WIPF1: variants seen among roughly 807,000 people sequenced by gnomAD.
The protein encoded by WIPF1 is WAS/WASL interacting protein family member 1, also known as WAS/WASL-interacting protein family member 1.
WIPF1 carries 13 observed loss-of-function variants against 35.4 expected under a neutral mutation model. The ratio of observed to expected loss-of-function variants is 0.37; its 90% CI spans 0.24 to 0.58. WIPF1 has a LOEUF of 0.58. Ranked by LOEUF, WIPF1 falls within the 20% of genes least tolerant of loss-of-function variation. The probability of loss-of-function intolerance (pLI) is 0.74; values close to 1 mark genes in which losing one functional copy is unlikely to be tolerated. For synonymous variants in WIPF1, 267 were observed against 266.3 expected (o/e 1.00, Z -0.02); for missense variants, 591 against 667.0 (o/e 0.89, Z 1.25).
chr2:174,640,621 T>A (rs1687277625), intron 1 of WIPF1, among the ~76,000 whole-genome samples: 1 of 151,988 alleles, frequency 6.6e-6, no homozygotes, highest in Non-Finnish European at 1.5e-5. Flanking sequence ...ATTTATTTAT[T>A]ATTATTATAC....
intron 1 of WIPF1, among the ~76,000 whole-genome samples, chr2:174,637,631 CAA>C (rs1687210437): frequency 6.6e-6 from 1 of 152,040 alleles, no homozygotes; most frequent in South Asian, 2.1e-4. Flanking sequence ...ACTAAAAATA[CAA>C]AAAATGAGCC....
At chr2:174,673,893 T>C (rs978995212) in intron 1 of WIPF1, 3 of 152,196 alleles carry the variant, frequency 2.0e-5, no homozygotes, top group African/African-American at 4.8e-5. Flanking sequence ...TTCTTAATTT[T>C]CAGTTCCAAC....
intron 1 of WIPF1, among the ~76,000 whole-genome samples, chr2:174,643,893 T>A (rs1421285276): frequency 1.3e-5 from 2 of 152,224 alleles, no homozygotes; most frequent in African/African-American, 2.4e-5. Flanking sequence ...TTTTTGTTAG[T>A]TAGCATTCAC....
intron 7 of WIPF1, 72 bp downstream of exon 7, chr2:174,566,998 T>C (rs775011598): frequency 2.0e-6 from 3 of 1,485,194 alleles, no homozygotes; most frequent in Non-Finnish European, 2.8e-6. Context: ...AAGCCTGGAC[T>C]TTCTATATAG....
At chr2:174,615,745 C>T (rs1287424591) in intron 1 of WIPF1, among the ~76,000 whole-genome samples, 3 of 152,104 alleles carry the variant, frequency 2.0e-5, no homozygotes, top group Non-Finnish European at 4.4e-5. Flanking sequence ...CAAAAGAGTT[C>T]TGTGGAATTC....
chr2:174,565,016 C>T (rs780525952), intron 7 of WIPF1, among the ~76,000 whole-genome samples: 13 of 152,002 alleles, frequency 8.6e-5, no homozygotes, highest in Non-Finnish European at 1.6e-4. Flanking sequence ...CTGCCTCAGC[C>T]TCCTGAGTAG....
At chr2:174,610,633 C>T (rs1216527899) in intron 1 of WIPF1, among the ~76,000 whole-genome samples, 2 of 152,162 alleles carry the variant, frequency 1.3e-5, no homozygotes, top group African/African-American at 4.8e-5. Context: ...TAAAATGAAA[C>T]AATGATTAAA....
At chr2:174,588,321 G>A (rs558218118) in intron 1 of WIPF1, among the ~76,000 whole-genome samples, 6 of 152,302 alleles carry the variant, frequency 3.9e-5, no homozygotes, top group East Asian at 1.9e-4. Context: ...CACGTTCACC[G>A]ATTAACTTTC....
intron 1 of WIPF1, among the ~76,000 whole-genome samples, chr2:174,661,673 G>A (rs1470796061): frequency 6.6e-6 from 1 of 152,120 alleles, no homozygotes; most frequent in African/African-American, 2.4e-5. Flanking sequence ...TTTCCTGTGT[G>A]TTTTTCCCCT....
At chr2:174,586,150 G>A (rs1411619033) in intron 1 of WIPF1, among the ~76,000 whole-genome samples, 2 of 152,180 alleles carry the variant, frequency 1.3e-5, no homozygotes, top group Non-Finnish European at 2.9e-5. Flanking sequence ...AGAGGGCATG[G>A]AGAATGTCAG....
intron 1 of WIPF1, among the ~76,000 whole-genome samples, chr2:174,674,531 A>G (rs933318370): frequency 6.6e-6 from 1 of 152,252 alleles, no homozygotes; most frequent in African/African-American, 2.4e-5. Flanking sequence ...ATTTCAATAC[A>G]GAACAATTAA....
intron 1 of WIPF1, among the ~76,000 whole-genome samples, chr2:174,591,128 G>C (rs377746959): frequency 7.9e-5 from 12 of 152,300 alleles, no homozygotes; most frequent in African/African-American, 2.6e-4. Flanking sequence ...CTCACACAGA[G>C]GAAAGTCTTC....
chr2:174,593,664 T>C (rs1685700835), intron 1 of WIPF1, among the ~76,000 whole-genome samples: 2 of 152,238 alleles, frequency 1.3e-5, no homozygotes, highest in Admixed American at 1.3e-4. Context: ...AACAGGAAAA[T>C]TGATGCTCGC....
At chr2:174,612,529 A>G (rs180877357) in intron 1 of WIPF1, among the ~76,000 whole-genome samples, 28 of 152,006 alleles carry the variant, frequency 1.8e-4, no homozygotes, top group Admixed American at 3.9e-4. Context: ...ATTTTATAGT[A>G]TTTCCTTAGG....
intron 1 of WIPF1, chr2:174,655,619 T>C (rs1000171102): frequency 2.6e-5 from 4 of 152,298 alleles, no homozygotes; most frequent in African/African-American, 9.6e-5. Context: ...AGCATGTTGT[T>C]CTTCTGCCAG....
chr2:174,637,509 T>C (rs1333181412), intron 1 of WIPF1, among the ~76,000 whole-genome samples: 3 of 152,208 alleles, frequency 2.0e-5, no homozygotes, highest in Non-Finnish European at 4.4e-5. Flanking sequence ...CAAAACACCA[T>C]AATTCCAGTG....
intron 1 of WIPF1, chr2:174,625,600 A>G (rs921462893): frequency 6.6e-6 from 1 of 152,182 alleles, no homozygotes; most frequent in African/African-American, 2.4e-5. Flanking sequence ...GGAGGGTCCA[A>G]TGAGATAATT....
At chr2:174,573,966 T>G (rs1232560276) in intron 4 of WIPF1, among the ~76,000 whole-genome samples, 3 of 151,702 alleles carry the variant, frequency 2.0e-5, no homozygotes, top group Non-Finnish European at 4.4e-5. Flanking sequence ...CACGGCTCAT[T>G]GCAGCTTCAA....
At chr2:174,576,362 T>G (rs771369841) in intron 3 of WIPF1, among the ~76,000 whole-genome samples, 23 of 152,214 alleles carry the variant, frequency 1.5e-4, no homozygotes, top group Non-Finnish European at 2.4e-4. Flanking sequence ...AAGCCTGCTT[T>G]TTTCATTTAA....
Sources: allele counts gnomAD v4.1 joint callset (sites outside exome capture counted in the v4.1 genomes callset), GRCh38; gene constraint gnomAD v4.1.1; transcripts MANE v1.5; gene names NCBI Gene and HGNC (gene_info 2026-07-23, HGNC 2026-07-21).